The following MKRN2 variants were observed in gnomAD, a reference collection of about 807,000 sequenced individuals.
The protein encoded by MKRN2 is makorin ring finger protein 2.
In MKRN2, 32 loss-of-function variants were observed where a neutral mutation model predicts 45.4. That is an observed-to-expected ratio of 0.70 (90% CI 0.53 to 0.95). The LOEUF (loss-of-function observed/expected upper bound fraction) is 0.95. Ranked by LOEUF, MKRN2 falls within the 40% of genes least tolerant of loss-of-function variation. The probability of loss-of-function intolerance (pLI) is 0.00; values close to 1 mark genes in which losing one functional copy is unlikely to be tolerated. For synonymous variants in MKRN2, 206 were observed against 192.4 expected (o/e 1.07, Z -0.59); for missense variants, 526 against 536.7 (o/e 0.98, Z 0.20).
rs1288513155 is a variant in MKRN2, at chr3:12,583,253, A to G, written c.*1000A>G. 2 of 152,348 alleles carry G rather than the reference A, an allele frequency of 1.3e-5. No homozygotes were observed. The highest frequency in any genetic ancestry group is 4.8e-5 in the African/African-American group (2 of 41,440). 9.4% of individuals were successfully genotyped at this position (152,348 alleles called of 1,614,324 possible). On this transcript the variant is annotated 3_prime_UTR_variant, in exon 8 of 8. Coordinates refer to ENST00000170447, the MANE Select transcript of MKRN2 (RefSeq NM_014160.5). ...CTTGTAGTCATTTTGATTTTAATTG[A>G]AGGGTGAGCATAACCTTGTGAACCA...
chr3:12,578,218 T>C (rs2058154476), intron 6 of MKRN2, among the ~76,000 whole-genome samples: 1 of 152,328 alleles, frequency 6.6e-6, no homozygotes, highest in Non-Finnish European at 1.5e-5. Flanking sequence ...TCTTGTCTTT[T>C]AGTTCTTCAG....
chr3:12,571,945 T>G, intron 3 of MKRN2, 124 bp from the exon 4 acceptor site: 1 of 893,272 alleles, frequency 1.1e-6, no homozygotes, highest in Non-Finnish European at 1.6e-6. Flanking sequence ...GTGTTTTTTT[T>G]GCCATATGTT....
In MKRN2 at chr3:12,574,854, C is replaced by T. The variant is rs757487668; in HGVS notation, c.705C>T (p.Asp235=). 1.2e-6 allele frequency: 2 copies of T among 1,614,224 alleles called. No homozygotes were observed. Among genetic ancestry groups the T allele is most frequent in the South Asian group, 1.1e-5 (1 of 91,084 alleles). The change falls in exon 5 of 8, where the codon GAC becomes GAT. Residue 235 remains aspartate (D), a synonymous_variant. Coordinates refer to ENST00000170447, the MANE Select transcript of MKRN2 (RefSeq NM_014160.5). ...CCTTTGCCTTCCAGGCAAGCCAGGACAAAGTGTGCAGTATCTGCATGGAAG... is the reference window on the plus strand; with the variant it reads ...CCTTTGCCTTCCAGGCAAGCCAGGATAAAGTGTGCAGTATCTGCATGGAAG... The part of the protein sequence containing the change: ...EKAFAFQASQ[D]KVCSICMEVI...
intron 3 of MKRN2, among the ~76,000 whole-genome samples, chr3:12,571,595 C>T (rs1329016714): frequency 3.3e-5 from 5 of 152,142 alleles, no homozygotes; most frequent in Non-Finnish European, 7.3e-5. Flanking sequence ...GAAGGGGTGA[C>T]CATGGGGCAG....
intron 1 of MKRN2, among the ~76,000 whole-genome samples, chr3:12,564,086 C>T (rs1388985284): frequency 1.3e-5 from 2 of 151,936 alleles, no homozygotes; most frequent in Non-Finnish European, 2.9e-5. Context: ...GCTGGGATTA[C>T]AGGCGCCCAC....
chr3:12,562,812 C>T (rs1424595199), intron 1 of MKRN2, among the ~76,000 whole-genome samples: 3 of 151,776 alleles, frequency 2.0e-5, no homozygotes, highest in African/African-American at 7.3e-5. Flanking sequence ...GCCTGATGAA[C>T]TGTCACTGTC....
At chr3:12,580,420 G>A (rs990697878) in intron 6 of MKRN2, among the ~76,000 whole-genome samples, 1 of 152,058 alleles carries the variant, frequency 6.6e-6, no homozygotes, top group African/African-American at 2.4e-5. Flanking sequence ...CAGCTGGCCA[G>A]GGAGCTTGTT....
At chr3:12,562,927 A>G (rs967509225) in intron 1 of MKRN2, among the ~76,000 whole-genome samples, 8 of 152,052 alleles carry the variant, frequency 5.3e-5, no homozygotes, top group African/African-American at 9.7e-5. Flanking sequence ...TATATATTAT[A>G]ATAATAAAGT....
chr3:12,580,476 G>A (rs962513744), intron 6 of MKRN2, among the ~76,000 whole-genome samples: 28 of 127,062 alleles, frequency 2.2e-4, no homozygotes, highest in African/African-American at 5.6e-4. Flanking sequence ...CCAGTGAGAC[G>A]AAGTCTCACT....
intron 5 of MKRN2, among the ~76,000 whole-genome samples, chr3:12,575,832 C>T (rs2058131398): frequency 6.6e-6 from 1 of 152,166 alleles, no homozygotes; most frequent in African/African-American, 2.4e-5. Flanking sequence ...AGAGTTCATC[C>T]CGACTGTAGC....
chr3:12,581,706 C>A (rs560645648), intron 6 of MKRN2, 102 bp from the exon 7 acceptor site: 371 of 1,335,166 alleles, frequency 2.8e-4, no homozygotes, highest in Non-Finnish European at 3.6e-4. Flanking sequence ...TGAGGCTGAC[C>A]TACCTCTGGC....
Position 12,581,859 on chromosome 3 carries a change from A to G in MKRN2, c.1020A>G (p.Gly340=). The part of the protein sequence containing the change: ...FEQGKGTCPF[G]SKCLYRHAYP... ...AAGGCAAGGGGACCTGCCCATTTGG[A>G]AGCAAATGTCTTTATCGCCATGCTT... The change falls in exon 7 of 8, where the codon GGA becomes GGG. Residue 340 remains glycine (G), a synonymous_variant. Coordinates refer to ENST00000170447, the MANE Select transcript of MKRN2 (RefSeq NM_014160.5). 1 of 1,614,154 alleles carries G rather than the reference A, an allele frequency of 6.2e-7. No individual in the cohort carries two copies. Among genetic ancestry groups the G allele is most frequent in the Non-Finnish European group, 8.5e-7 (1 of 1,180,026 alleles).
intron 3 of MKRN2, among the ~76,000 whole-genome samples, chr3:12,571,843 A>ATTTTTGT (rs542110285): frequency 3.3e-5 from 5 of 151,042 alleles, no homozygotes; most frequent in South Asian, 2.1e-4. Context: ...CTGTCTTGCC[A>ATTTTTGT]TTTTTGTTTT....
chr3:12,572,771 G>C (rs1197289625), intron 4 of MKRN2, among the ~76,000 whole-genome samples: 2 of 151,884 alleles, frequency 1.3e-5, no homozygotes, highest in East Asian at 3.9e-4. Context: ...TTTTAGGAAA[G>C]ATGGGGTTTC....
At position 12,572,202 on chromosome 3, in the gene MKRN2, C is replaced by G; in HGVS notation, c.471C>G (p.Asp157Glu). ...YLDAIRSGLD[D>E]VEASSSYSNE... ...ATGCCATCAGGAGTGGCCTTGATGACGTGGAGGCCAGCAGCTCCTACAGCA... is the reference window on the plus strand; with the variant it reads ...ATGCCATCAGGAGTGGCCTTGATGAGGTGGAGGCCAGCAGCTCCTACAGCA... Residue 157 changes from aspartate to glutamate, a missense_variant, in exon 4 of 8, where the codon GAC (aspartate) becomes GAG (glutamate). Transcript: ENST00000170447. 1.2e-6 allele frequency: 2 copies of G among 1,613,984 alleles called. No homozygotes were observed. Among genetic ancestry groups the G allele is most frequent in the Non-Finnish European group, 1.7e-6 (2 of 1,179,982 alleles).
chr3:12,574,361 C>G (rs117867179), intron 4 of MKRN2, among the ~76,000 whole-genome samples: 2 of 152,192 alleles, frequency 1.3e-5, no homozygotes, highest in Admixed American at 6.5e-5. Flanking sequence ...GTGCTTCTTA[C>G]ATAGGACTAG....
intron 6 of MKRN2, 105 bp from the exon 7 acceptor site, chr3:12,581,703 G>A (rs989813135): frequency 7.7e-7 from 1 of 1,304,166 alleles, no homozygotes; most frequent in Non-Finnish European, 1.1e-6. Flanking sequence ...ATGTGAGGCT[G>A]ACCTACCTCT....
At position 12,557,135 on chromosome 3, in the gene MKRN2, C is replaced by T; in HGVS notation, c.-16C>T. On this transcript the variant is annotated 5_prime_UTR_variant, in exon 1 of 8. Coordinates refer to ENST00000170447, the MANE Select transcript of MKRN2 (RefSeq NM_014160.5). ...GAGAGGCGGCGGCACGACGACGGTC[C>T]CTCAGCCCAGCCACCATGAGCACCA... 1.3e-6 allele frequency: 2 copies of T among 1,511,152 alleles called. No homozygotes were observed. 93.6% of individuals were successfully genotyped at this position (1,511,152 alleles called of 1,614,324 possible).
Position 12,582,385 on chromosome 3 carries a change from A to T in MKRN2, c.*132A>T, listed in dbSNP as rs1164648691. 3.6e-6 allele frequency: 4 copies of T among 1,124,374 alleles called. No individual in the cohort carries two copies. The African/African-American group carries it at 4.7e-5, about 13-fold the overall frequency. The allele number at this position is 1,124,374 out of a possible 1,614,324, so 69.6% of individuals were successfully genotyped here. A position where few individuals can be genotyped will look rare whatever the true frequency, so the allele number is the denominator to read the frequency against. ...TTTGAGTGGAGTTGGGCTTAGCCTT[A>T]GTCTCATTCAATCTCCATTATTACA... On this transcript the variant is annotated 3_prime_UTR_variant, in exon 8 of 8. Coordinates refer to ENST00000170447, the MANE Select transcript of MKRN2 (RefSeq NM_014160.5).
Sources: gnomAD v4.1 joint callset for allele counts (sites outside exome capture counted in the v4.1 genomes callset) on GRCh38, gnomAD v4.1.1 for gene constraint, MANE v1.5 for transcripts, NCBI Gene and HGNC (gene_info 2026-07-23, HGNC 2026-07-21) for gene names.